Variants in USP10 observed in about 807,000 individuals in gnomAD.
The protein encoded by USP10 is ubiquitin specific peptidase 10, also known as ubiquitin carboxyl-terminal hydrolase 10.
A neutral mutation model predicts 84.5 loss-of-function variants in USP10; 22 were observed. The ratio of observed to expected loss-of-function variants is 0.26; its 90% CI spans 0.19 to 0.37. USP10 has a LOEUF of 0.37. USP10 is among the 10% of genes least tolerant of loss of function. The pLI, the probability that USP10 is intolerant of heterozygous loss-of-function variation, is 1.00. For missense variants in USP10, 1,019 were observed against 998.9 expected (o/e 1.02, Z -0.27); for synonymous variants, 454 against 387.6 (o/e 1.17, Z -2.01).
At position 84,740,503 on chromosome 16, in the gene USP10, A is replaced by T. The variant is rs151212700; in HGVS notation, c.151+134A>T. On this transcript the variant is annotated intron_variant, in intron 3 of 13. Transcript: ENST00000219473. ...CTTGAAGTTTTTGCTGTAAACTGTA[A>T]TGTATTTAATTGCTGAATCACTTTG... The T allele has an allele frequency of 4.3e-6, 3 of 696,744 alleles. No individual in the cohort carries two copies. In the African/African-American group the frequency reaches 5.4e-5, roughly 13 times the overall value. The allele number at this position is 696,744 out of a possible 1,614,324, so 43.2% of individuals were successfully genotyped here.
At chr16:84,713,982 G>A (rs1906659208) in intron 1 of USP10, among the ~76,000 whole-genome samples, 1 of 152,250 alleles carries the variant, frequency 6.6e-6, no homozygotes, top group African/African-American at 2.4e-5. Flanking sequence ...GGTGCGTCTT[G>A]TAGGCTCTGC....
At chr16:84,759,648 A>T (rs1389243339) in intron 6 of USP10, among the ~76,000 whole-genome samples, 176 bp downstream of exon 6, 2 of 152,196 alleles carry the variant, frequency 1.3e-5, no homozygotes, top group East Asian at 3.9e-4. Context: ...ATGGAATTGG[A>T]GCATTGATGA....
intron 3 of USP10, 49 bp downstream of exon 3, chr16:84,740,418 G>C: frequency 2.7e-6 from 4 of 1,473,614 alleles, no homozygotes; most frequent in Non-Finnish European, 3.8e-6. Context: ...GGCCATACGT[G>C]CTGGGTGGGC....
At chr16:84,747,123 G>C (rs1360871922) in intron 4 of USP10, among the ~76,000 whole-genome samples, 1 of 152,184 alleles carries the variant, frequency 6.6e-6, no homozygotes, top group South Asian at 2.1e-4. Flanking sequence ...GTTACGCCGC[G>C]CGTGACTGTA....
chr16:84,741,207 C>T (rs887159228), intron 3 of USP10, among the ~76,000 whole-genome samples: 2 of 152,218 alleles, frequency 1.3e-5, no homozygotes, highest in Non-Finnish European at 2.9e-5. Context: ...AACGTTTTAT[C>T]TCCAGTAACA....
intron 1 of USP10, among the ~76,000 whole-genome samples, chr16:84,707,809 T>C (rs1905734589): frequency 6.6e-6 from 1 of 151,946 alleles, no homozygotes; most frequent in East Asian, 1.9e-4. Context: ...GTGCAGTGAG[T>C]GACTCACGCC....
At chr16:84,728,440 A>C (rs980653439) in intron 1 of USP10, among the ~76,000 whole-genome samples, 1 of 151,818 alleles carries the variant, frequency 6.6e-6, no homozygotes, top group African/African-American at 2.4e-5. Flanking sequence ...CCCCGGTTCA[A>C]GCGATTCCCC....
At chr16:84,721,231 G>A (rs71386865) in intron 1 of USP10, among the ~76,000 whole-genome samples, 2 of 152,164 alleles carry the variant, frequency 1.3e-5, no homozygotes, top group Non-Finnish European at 2.9e-5. Context: ...GTAGCACTGG[G>A]AGGTCTTTGG....
In USP10 at chr16:84,745,211, G is replaced by T. The variant is rs758239139; in HGVS notation, c.730G>T (p.Gly244Trp). ...SDTRTAGQPE[G>W]GPGADFGQSC... ...CACCAGGACTGCAGGGCAGCCAGAG[G>T]GGGGCCCCGGGGCTGATTTTGGTCA... The change falls in exon 4 of 14, where the codon GGG becomes TGG. Residue 244 changes from glycine to tryptophan, a missense_variant. Gly to Trp is a radical substitution (Grantham distance 184). Transcript: ENST00000219473. 9.8e-5 allele frequency: 158 copies of T among 1,612,998 alleles called. No homozygotes were observed. Among genetic ancestry groups the T allele is most frequent in the Non-Finnish European group, 1.3e-4 (154 of 1,179,540 alleles).
Position 84,740,315 on chromosome 16 carries a change from C to G in USP10, c.97C>G (p.Pro33Ala), listed in dbSNP as rs1473254260. ...TTTCTGATTCCTTGTGCAGCTTCCT[C>G]CATACAGTGGAACAGTTCTGTGTGG... ...VTPRSSVELP[P>A]YSGTVLCGTQ... The change falls in exon 3 of 14, where the codon CCA (proline) becomes GCA (alanine). Residue 33 changes from proline (P) to alanine (A), a missense_variant. By Grantham distance (27) the Pro-to-Ala change is conservative (BLOSUM62 -1). Coordinates refer to ENST00000219473, the MANE Select transcript of USP10 (RefSeq NM_005153.3). 6.2e-7 allele frequency: 1 copy of G among 1,611,098 alleles called. No individual in the cohort carries two copies. The highest frequency in any genetic ancestry group is 8.5e-7 in the Non-Finnish European group (1 of 1,178,330).
rs1189501777 is a variant in USP10 at position 84,744,764 on chromosome 16, A to G, written c.283A>G (p.Thr95Ala). The change falls in exon 4 of 14, where the codon ACA becomes GCA. Residue 95 changes from threonine (T) to alanine (A), a missense_variant. Physicochemically the swap from Thr to Ala is moderately conservative, Grantham distance 58. Around this residue, in one of 2 missense-constraint regions of USP10, gnomAD observed 787 missense variants for 708.8 expected, o/e 1.11. Coordinates refer to ENST00000219473, the MANE Select transcript of USP10 (RefSeq NM_005153.3). ...PQAPEFILGC[T>A]ASKITPDGIT... The stretch of plus-strand genomic sequence containing the variant: ...GGCCCCTGAATTTATTCTCGGTTGT[A>G]CAGCTTCCAAAATAACCCCTGATGG... The G allele has an allele frequency of 3.1e-6, 5 of 1,613,656 alleles. No homozygotes were observed. The highest frequency in any genetic ancestry group is 4.2e-6 in the Non-Finnish European group (5 of 1,179,730).
intron 1 of USP10, among the ~76,000 whole-genome samples, chr16:84,716,745 A>G (rs537354811): frequency 1.3e-5 from 2 of 152,320 alleles, no homozygotes; most frequent in African/African-American, 4.8e-5. Flanking sequence ...GTTGGTAGGC[A>G]GAGACGCCCA....
chr16:84,720,106 T>G (rs1158260805), intron 1 of USP10, among the ~76,000 whole-genome samples: 1 of 152,200 alleles, frequency 6.6e-6, no homozygotes, highest in African/African-American at 2.4e-5. Context: ...GTACTTCTTA[T>G]TAGACAGTCC....
Position 84,760,205 on chromosome 16 carries a change from C to T in USP10, c.1484C>T (p.Pro495Leu). 6.2e-7 allele frequency: 1 copy of T among 1,610,740 alleles called. No individual in the cohort carries two copies. ...LGDKIVRDIR[P>L]GAAFEPTYIY... ...GATAAAATCGTGAGGGATATTCGCCCTGGAGCTGCCTTTGAGCCCACATAT... is the reference window on the plus strand; with the variant it reads ...GATAAAATCGTGAGGGATATTCGCCTTGGAGCTGCCTTTGAGCCCACATAT... The change falls in exon 8 of 14, where the codon CCT becomes CTT. Residue 495 changes from proline (P) to leucine (L), a missense_variant. Physicochemically the swap from Pro to Leu is moderately conservative, Grantham distance 98 (BLOSUM62 -3). Around this residue, in one of 2 missense-constraint regions of USP10, gnomAD observed 787 missense variants for 708.8 expected, o/e 1.11. Coordinates refer to ENST00000219473, the MANE Select transcript of USP10 (RefSeq NM_005153.3).
rs1235048512 is a variant in USP10 at position 84,726,516 on chromosome 16, C to G, written c.22-6919C>G. 9.9e-5 allele frequency among the ~76,000 whole-genome samples: 15 copies of G among 152,260 alleles called. No homozygotes were observed. In the East Asian group the frequency reaches 2.9e-3, roughly 29 times the overall value. On this transcript the variant is annotated intron_variant, in intron 1 of 13. Transcript: ENST00000219473. ...CCTCCACACACCTCCAGAAGGTAAA[C>G]TGAGCCAGCTTAGCCAACAGGCTAT...
intron 13 of USP10, among the ~76,000 whole-genome samples, chr16:84,776,469 GGA>G (rs1471987464): frequency 6.6e-6 from 1 of 152,218 alleles, no homozygotes; most frequent in Non-Finnish European, 1.5e-5. Context: ...GCCTCAGATG[GGA>G]CGGCCATGGG....
intron 9 of USP10, 32 bp downstream of exon 9, chr16:84,763,120 G>T: frequency 6.9e-7 from 1 of 1,453,304 alleles, no homozygotes; most frequent in Non-Finnish European, 9.6e-7. Context: ...GCAGAGTTGT[G>T]CAAGAGTTCG....
intron 1 of USP10, among the ~76,000 whole-genome samples, chr16:84,729,419 G>A (rs1292107688): frequency 6.6e-6 from 1 of 152,198 alleles, no homozygotes; most frequent in Non-Finnish European, 1.5e-5. Context: ...CCCAAATAGA[G>A]GATTCCTTTA....
intron 6 of USP10, 145 bp downstream of exon 6, chr16:84,759,617 T>C (rs1383750064): frequency 2.5e-6 from 2 of 797,094 alleles, no homozygotes; most frequent in Non-Finnish European, 4.1e-6. Context: ...GTTGGCGATT[T>C]TATATGGAAG....
Sources: gnomAD v4.1 joint callset for allele counts (sites outside exome capture counted in the v4.1 genomes callset) on GRCh38, gnomAD v4.1.1 for gene constraint, gnomAD v4.1.1 regional missense constraint, MANE v1.5 for transcripts, NCBI Gene and HGNC (gene_info 2026-07-23, HGNC 2026-07-21) for gene names.